Variants in TNFSF11 observed in about 807,000 individuals in gnomAD.
TNFSF11 encodes tumor necrosis factor ligand superfamily member 11.
A neutral mutation model predicts 32.2 loss-of-function variants in TNFSF11; 12 were observed. The ratio of observed to expected loss-of-function variants is 0.37; its 90% CI spans 0.24 to 0.60. The LOEUF is 0.60. TNFSF11 is among the 20% of genes least tolerant of loss of function. The pLI is 0.66. For synonymous variants in TNFSF11, 172 were observed against 152.1 expected, an observed-to-expected ratio of 1.13 and a Z score of -0.96; for missense variants, 345 against 398.0, an observed-to-expected ratio of 0.87 and a Z score of 1.13.
chr13:42,584,515 C>T (rs550142797), intron 2 of TNFSF11, among the ~76,000 whole-genome samples: 9 of 152,242 alleles, frequency 5.9e-5, no homozygotes, highest in South Asian at 2.1e-4. Context: ...ACTTCGTTTG[C>T]GATTTCTAAG....
chr13:42,600,872 C>T lies in TNFSF11; in HGVS notation c.434-11C>T. On this transcript the variant is annotated splice_polypyrimidine_tract_variant and intron_variant, in intron 3 of 4. Transcript: ENST00000398795. ...TTTTGGCTATAATAATATGGTTTCT[C>T]TCATCTCCAGCGATGGTGGATGGCT... 6.2e-7 allele frequency: 1 copy of T among 1,614,134 alleles called. No homozygotes were observed. The highest frequency in any genetic ancestry group is 8.5e-7 in the Non-Finnish European group (1 of 1,180,020).
intron 2 of TNFSF11, among the ~76,000 whole-genome samples, chr13:42,582,137 A>G (rs1375583011): frequency 2.6e-5 from 4 of 152,246 alleles, no homozygotes. Context: ...TGGTCATTCC[A>G]GAGTAACTCT....
chr13:42,579,947 T>G (rs1873520448), intron 1 of TNFSF11, among the ~76,000 whole-genome samples: 1 of 152,156 alleles, frequency 6.6e-6, no homozygotes, highest in Non-Finnish European at 1.5e-5. Context: ...TGTCATTTCA[T>G]TTTGAGAATC....
upstream of TNFSF11, among the ~76,000 whole-genome samples, chr13:42,571,283 C>T (rs1873057926): frequency 6.6e-6 from 1 of 152,090 alleles, no homozygotes; most frequent in South Asian, 2.1e-4. Flanking sequence ...ATGAGCGCTC[C>T]AGTTAGGTAG....
At chr13:42,568,626 T>C (rs1872950148) in intron 2 of TNFSF11, among the ~76,000 whole-genome samples, 1 of 152,068 alleles carries the variant, frequency 6.6e-6, no homozygotes, top group South Asian at 2.1e-4. Context: ...GAAGTTTCAT[T>C]AGGTTTTCAG....
In TNFSF11 at chr13:42,593,769, A is replaced by G. The variant is rs1868632154; in HGVS notation, c.388-6983A>G. Among the ~76,000 whole-genome samples, 4 of 152,210 alleles carry G rather than the reference A, an allele frequency of 2.6e-5. No individual in the cohort carries two copies. The South Asian group carries it at 8.3e-4, about 32-fold the overall frequency. ...GTATGAACCCTGTATTATATCTGGC[A>G]AACGGGGTGTTAAATCCTTGTTCAA... On this transcript the variant is annotated intron_variant, in intron 2 of 4. Transcript: ENST00000398795.
In TNFSF11 at chr13:42,565,939, A is replaced by T. The variant is rs143915608; in HGVS notation, c.-301-682A>T. Among the ~76,000 whole-genome samples, 23 of 152,336 alleles carry T rather than the reference A, an allele frequency of 1.5e-4. No homozygotes were observed. In the East Asian group the frequency reaches 4.2e-3, roughly 28 times the overall value. On this transcript the variant is annotated intron_variant, in intron 1 of 6. Transcript: ENST00000358545. The stretch of plus-strand genomic sequence containing the variant: ...AAAAGCACTCTGGGAATATGGCAGC[A>T]CAGGCTTATTTCTTGACACCCTCCC...
At chr13:42,576,747 C>T (rs1432651610) in intron 1 of TNFSF11, among the ~76,000 whole-genome samples, 4 of 152,128 alleles carry the variant, frequency 2.6e-5, no homozygotes, top group Admixed American at 6.5e-5. Flanking sequence ...CCAAAGGAGT[C>T]CTAATCATTT....
rs1480108890 is a variant in TNFSF11, at chr13:42,606,583, A to G, written c.619A>G (p.Ile207Val). ...CATGACTTTTAGCAATGGAAAACTA[A>G]TAGTTAATCAGGATGGCTTTTATTA... The part of the protein sequence containing the change: ...SNMTFSNGKL[I>V]VNQDGFYYLY... Residue 207 changes from isoleucine to valine, a missense_variant, in exon 5 of 5, where the codon ATA becomes GTA. By Grantham distance (29) the Ile-to-Val change is conservative. This residue lies in a region of TNFSF11 where 148 missense variants were observed against 216.0 expected (regional missense o/e 0.69). Coordinates refer to ENST00000398795, the MANE Select transcript of TNFSF11 (RefSeq NM_003701.4). 6.2e-7 allele frequency: 1 copy of G among 1,614,236 alleles called. No individual in the cohort carries two copies. The highest frequency in any genetic ancestry group is 2.2e-5 in the East Asian group (1 of 44,888).
At chr13:42,586,502 G>A (rs1338816622) in intron 2 of TNFSF11, among the ~76,000 whole-genome samples, 1 of 152,196 alleles carries the variant, frequency 6.6e-6, no homozygotes, top group Non-Finnish European at 1.5e-5. Context: ...ATTTTTGTTA[G>A]AAGTTACCCC....
intron 2 of TNFSF11, among the ~76,000 whole-genome samples, chr13:42,590,754 T>G (rs1462219921): frequency 6.6e-6 from 1 of 152,242 alleles, no homozygotes; most frequent in African/African-American, 2.4e-5. Context: ...CTAACATTGC[T>G]GTCATAAGAC....
In TNFSF11 at chr13:42,606,926, T is replaced by C. The variant is rs1869492854; in HGVS notation, c.*8T>C. On this transcript the variant is annotated 3_prime_UTR_variant, in exon 5 of 5. Transcript: ENST00000398795. Reference sequence around the variant, plus strand: ...GTTCGAGATATAGATTGAGCCCCAGTTTTTGGAGTGTTATGTATTTCCTGG... The same window carrying C: ...GTTCGAGATATAGATTGAGCCCCAGCTTTTGGAGTGTTATGTATTTCCTGG... 6.2e-7 allele frequency: 1 copy of C among 1,613,912 alleles called. No homozygotes were observed. Among genetic ancestry groups the C allele is most frequent in the South Asian group, 1.1e-5 (1 of 91,064 alleles).
chr13:42,569,547 C>CAAAAAA (rs71298952), upstream of TNFSF11, among the ~76,000 whole-genome samples: 2 of 134,182 alleles, frequency 1.5e-5, no homozygotes, highest in Non-Finnish European at 3.1e-5. Context: ...CACTCTGTCT[C>CAAAAAA]AAAAAAAAAA....
chr13:42,589,983 C>T (rs1363263016), intron 2 of TNFSF11, among the ~76,000 whole-genome samples: 1 of 152,238 alleles, frequency 6.6e-6, no homozygotes, highest in African/African-American at 2.4e-5. Flanking sequence ...CACAGATGCC[C>T]GCCCACCCAC....
At chr13:42,599,861 A>T (rs1009598639) in intron 2 of TNFSF11, among the ~76,000 whole-genome samples, 1 of 152,118 alleles carries the variant, frequency 6.6e-6, no homozygotes, top group African/African-American at 2.4e-5. Flanking sequence ...TATAATAGAC[A>T]TCTAAATTTA....
upstream of TNFSF11, among the ~76,000 whole-genome samples, chr13:42,570,512 C>T (rs1338710408): frequency 1.3e-5 from 2 of 152,174 alleles, no homozygotes. Flanking sequence ...AACTTTGAAT[C>T]TTCAAATATG....
chr13:42,604,638 A>T (rs1434713662), intron 4 of TNFSF11, among the ~76,000 whole-genome samples: 1 of 152,190 alleles, frequency 6.6e-6, no homozygotes, highest in Non-Finnish European at 1.5e-5. Flanking sequence ...CCCAGATCAT[A>T]TCCCAGGCTC....
intron 2 of TNFSF11, among the ~76,000 whole-genome samples, chr13:42,582,961 A>C (rs140799270): frequency 4.7e-3 from 721 of 152,262 alleles, no homozygotes; most frequent in Non-Finnish European, 7.7e-3. Flanking sequence ...ATTGTGCCCT[A>C]ATGTTCTGTT....
intron 1 of TNFSF11, among the ~76,000 whole-genome samples, chr13:42,576,319 T>G (rs1185445027): frequency 1.3e-5 from 2 of 151,866 alleles, no homozygotes; most frequent in African/African-American, 4.8e-5. Context: ...GCTGGGCTCT[T>G]GTTAGAGTTG....
Sources: gnomAD v4.1 joint callset for allele counts (sites outside exome capture counted in the v4.1 genomes callset) on GRCh38, gnomAD v4.1.1 for gene constraint, gnomAD v4.1.1 regional missense constraint, MANE v1.5 for transcripts, NCBI Gene and HGNC (gene_info 2026-07-23, HGNC 2026-07-21) for gene names.